GSG1L: variants seen among roughly 807,000 people sequenced by gnomAD.
The protein encoded by GSG1L is germ cell-specific gene 1-like protein.
Under a neutral mutation model 42.1 loss-of-function variants are expected in GSG1L, and 24 were observed. The observed-to-expected ratio is 0.57, with a 90% CI of 0.41 to 0.80. GSG1L has a LOEUF of 0.80. GSG1L is among the 30% of genes least tolerant of loss of function. The pLI, the probability that GSG1L is intolerant of heterozygous loss-of-function variation, is 0.00. For missense variants in GSG1L, 445 were observed against 472.2 expected (o/e 0.94, Z 0.53); for synonymous variants, 215 against 203.5 (o/e 1.06, Z -0.48).
At chr16:27,958,282 G>A (rs1348194224) in intron 2 of GSG1L, among the ~76,000 whole-genome samples, 2 of 151,854 alleles carry the variant, frequency 1.3e-5, no homozygotes, top group Admixed American at 6.6e-5. Flanking sequence ...GTAGGTGCCT[G>A]TAATCCCAGC....
chr16:27,946,417 C>G (rs552593691), intron 2 of GSG1L, among the ~76,000 whole-genome samples: 1 of 151,374 alleles, frequency 6.6e-6, no homozygotes, highest in Admixed American at 6.6e-5. Flanking sequence ...TGGTGGCGGG[C>G]ACCTGTAATC....
intron 1 of GSG1L, among the ~76,000 whole-genome samples, chr16:27,999,215 G>C (rs2085553936): frequency 6.6e-6 from 1 of 152,172 alleles, no homozygotes; most frequent in Admixed American, 6.5e-5. Flanking sequence ...GGCCAAGGCG[G>C]GCAGATCACT....
At chr16:27,903,378 G>T (rs1340592184) in intron 2 of GSG1L, among the ~76,000 whole-genome samples, 1 of 152,132 alleles carries the variant, frequency 6.6e-6, no homozygotes, top group African/African-American at 2.4e-5. Context: ...CTTCTGCAGG[G>T]CTCCCTGGAA....
intron 2 of GSG1L, among the ~76,000 whole-genome samples, chr16:27,890,465 C>T (rs1384290676): frequency 6.6e-6 from 1 of 152,222 alleles, no homozygotes; most frequent in Non-Finnish European, 1.5e-5. Context: ...TGGAGGCTTC[C>T]GCTGCACTCC....
intron 6 of GSG1L, among the ~76,000 whole-genome samples, chr16:27,804,645 A>G (rs1008455674): frequency 6.2e-5 from 9 of 144,714 alleles, no homozygotes; most frequent in East Asian, 2.1e-4. Context: ...AATCGTTCAG[A>G]CTGTTGCCTT....
At chr16:27,821,786 C>G in intron 5 of GSG1L, among the ~76,000 whole-genome samples, 1 of 152,082 alleles carries the variant, frequency 6.6e-6, no homozygotes, top group Non-Finnish European at 1.5e-5. Context: ...CACCTGTAGT[C>G]CCAGTTACTC....
At chr16:27,873,570 G>A (rs1041879877) in intron 3 of GSG1L, among the ~76,000 whole-genome samples, 1 of 152,194 alleles carries the variant, frequency 6.6e-6, no homozygotes, top group African/African-American at 2.4e-5. Flanking sequence ...TTTGCCAGAT[G>A]TTGCATTAAG....
At chr16:27,832,079 T>C (rs2083280584) in intron 4 of GSG1L, among the ~76,000 whole-genome samples, 1 of 152,224 alleles carries the variant, frequency 6.6e-6, no homozygotes, top group South Asian at 2.1e-4. Context: ...TGCCCCTGTT[T>C]AGTTTCATCT....
At chr16:27,851,889 G>T (rs1192740927) in intron 3 of GSG1L, among the ~76,000 whole-genome samples, 1 of 152,174 alleles carries the variant, frequency 6.6e-6, no homozygotes, top group Admixed American at 6.5e-5. Flanking sequence ...CCTCCCTCGA[G>T]GTGGGGGTGG....
intron 5 of GSG1L, among the ~76,000 whole-genome samples, chr16:27,816,094 C>T (rs185530093): frequency 1.7e-4 from 26 of 152,298 alleles, no homozygotes; most frequent in Middle Eastern, 3.4e-3. Context: ...CTTACCTCTG[C>T]GGTCTTTCTG....
chr16:27,917,641 C>A (rs2084474337), intron 2 of GSG1L, among the ~76,000 whole-genome samples: 1 of 152,148 alleles, frequency 6.6e-6, no homozygotes, highest in African/African-American at 2.4e-5. Context: ...CCTCCCAAGG[C>A]AGTGGGGAAG....
rs117317610 is a variant in GSG1L, at chr16:27,875,526, C to T, written c.550+8960G>A. 7.7e-3 allele frequency among the ~76,000 whole-genome samples: 1,173 copies of T among 152,266 alleles called. 7 individuals are homozygous for T. The highest frequency in any genetic ancestry group is 0.012 in the Non-Finnish European group (826 of 68,032). ...GCCATTCCTGGGGCACCGGATCGTT[C>T]GGTTCCACTGTGGACACTCTGATAA... On this transcript the variant is annotated intron_variant, in intron 3 of 6. Coordinates refer to ENST00000447459, the MANE Select transcript of GSG1L (RefSeq NM_001109763.2).
rs184818328 is a variant in GSG1L, at chr16:27,871,234, C to T, written c.550+13252G>A. 3.3e-5 allele frequency among the ~76,000 whole-genome samples: 5 copies of T among 152,298 alleles called. No homozygotes were observed. In the East Asian group the frequency reaches 9.7e-4, roughly 29 times the overall value. ...GGTGGAGGCCAGGGATGCTGCTGGA[C>T]ACCCCACAATGCACAGGCCAGCCCC... On this transcript the variant is annotated intron_variant, in intron 3 of 6. Transcript: ENST00000447459.
rs2086090664 is a variant in GSG1L, at chr16:28,040,148, G to A, written c.349+22928C>T. Among the ~76,000 whole-genome samples, 2 of 152,070 alleles carry A rather than the reference G, an allele frequency of 1.3e-5. No individual in the cohort carries two copies. Among genetic ancestry groups the A allele is most frequent in the Admixed American group, 6.5e-5 (1 of 15,272 alleles). On this transcript the variant is annotated intron_variant, in intron 1 of 6. Coordinates refer to ENST00000447459, the MANE Select transcript of GSG1L (RefSeq NM_001109763.2). The surrounding 1 kb of genome is among the most constrained non-coding windows in gnomAD (Gnocchi z 4.1). The stretch of plus-strand genomic sequence containing the variant: ...CATCACCATGGCCCTAGCTGCCATC[G>A]TCTCCTTCATGGACCGCTGCAGTCG...
chr16:27,974,444 C>T (rs1455300232), intron 1 of GSG1L, among the ~76,000 whole-genome samples: 1 of 152,166 alleles, frequency 6.6e-6, no homozygotes, highest in Admixed American at 6.5e-5. Context: ...TCATACGACC[C>T]AGGGGCTGAA....
At chr16:27,845,094 A>C in intron 3 of GSG1L, 33 bp from the exon 4 acceptor site, 2 of 1,455,256 alleles carry the variant, frequency 1.4e-6, no homozygotes, top group South Asian at 2.3e-5. Context: ...AAGCGTCAGG[A>C]AGTAAGGAAG....
At chr16:27,983,991 T>C (rs750998120) in intron 1 of GSG1L, among the ~76,000 whole-genome samples, 3 of 152,168 alleles carry the variant, frequency 2.0e-5, no homozygotes, top group Non-Finnish European at 4.4e-5. Flanking sequence ...GCCCATAGCA[T>C]AGATAACCCC....
At chr16:27,865,564 T>TACACAC (rs1485191418) in intron 3 of GSG1L, among the ~76,000 whole-genome samples, 2 of 19,624 alleles carry the variant, frequency 1.0e-4, no homozygotes, top group African/African-American at 4.2e-4. Context: ...TATATATATA[T>TACACAC]ATATATATAC....
At position 28,015,375 on chromosome 16, in the gene GSG1L, C is replaced by T. The variant is rs1188115721; in HGVS notation, c.349+47701G>A. Among the ~76,000 whole-genome samples the T allele has an allele frequency of 2.0e-5, 3 of 152,330 alleles. No homozygotes were observed. The East Asian group carries it at 5.8e-4, about 29-fold the overall frequency. ...TTTTAATTAGCCAGCTGTGTCGGTG[C>T]ATGGCTGTAGTCCCAGCTACTCAAA... On this transcript the variant is annotated intron_variant, in intron 1 of 6. Transcript: ENST00000447459.
Sources: gnomAD v4.1 joint callset for allele counts (sites outside exome capture counted in the v4.1 genomes callset) on GRCh38, gnomAD v4.1.1 for gene constraint, Gnocchi (gnomAD v3.1) non-coding constraint, MANE v1.5 for transcripts, NCBI Gene and HGNC (gene_info 2026-07-23, HGNC 2026-07-21) for gene names.